ERGIC1: variants seen among roughly 807,000 people sequenced by gnomAD.
ERGIC1 encodes endoplasmic reticulum-golgi intermediate compartment 1.
In ERGIC1, 19 loss-of-function variants were observed where a neutral mutation model predicts 38.3. That is an observed-to-expected ratio of 0.50 (90% CI 0.35 to 0.73). The LOEUF (loss-of-function observed/expected upper bound fraction) is 0.73. Among genes scored for constraint, ERGIC1 ranks in the 30% least tolerant of loss-of-function variants. The probability of loss-of-function intolerance (pLI) is 0.01; values close to 1 mark genes in which losing one functional copy is unlikely to be tolerated. For synonymous variants in ERGIC1, 124 were observed against 157.6 expected (o/e 0.79, Z 1.60); for missense variants, 294 against 389.2 (o/e 0.76, Z 2.06).
chr5:172,845,627 T>C (rs994690328), intron 1 of ERGIC1, among the ~76,000 whole-genome samples: 1 of 152,224 alleles, frequency 6.6e-6, no homozygotes, highest in East Asian at 1.9e-4. Flanking sequence ...TTAATTCTGG[T>C]ATTTTGCTTC....
At chr5:172,941,457 C>T (rs930538554) in intron 9 of ERGIC1, among the ~76,000 whole-genome samples, 29 of 152,158 alleles carry the variant, frequency 1.9e-4, no homozygotes, top group Non-Finnish European at 3.7e-4. Flanking sequence ...GGTGAAAAAA[C>T]TCATCCAAGA....
chr5:172,919,387 A>G (rs1161666652), intron 5 of ERGIC1, among the ~76,000 whole-genome samples: 1 of 152,154 alleles, frequency 6.6e-6, no homozygotes, highest in East Asian at 1.9e-4. Flanking sequence ...GTGACCAAGA[A>G]GGGATCGTGC....
Position 172,893,633 on chromosome 5 carries a change from G to A in ERGIC1, c.83-3369G>A, listed in dbSNP as rs549101525. The stretch of plus-strand genomic sequence containing the variant: ...AAGAGGTTTAATAGCCTCAGTTTGC[G>A]GGTGAGAAAGGGAAGAACAGGAGCC... On this transcript the variant is annotated intron_variant, in intron 2 of 9. Transcript: ENST00000393784. Among the ~76,000 whole-genome samples the A allele has an allele frequency of 2.1e-4, 32 of 151,804 alleles. No homozygotes were observed. In the South Asian group the frequency reaches 2.5e-3, roughly 12 times the overall value.
chr5:172,837,950 G>A lies in ERGIC1; in HGVS notation c.20+3517G>A, dbSNP rs752249626. ...ACAGCATCCGGAAGCCCTGTGCCCA[G>A]GCCCAGTGGTGCCTGAGCACTGCCT... is the stretch of plus-strand genomic sequence containing the variant. On this transcript the variant is annotated intron_variant, in intron 1 of 9. Coordinates refer to ENST00000393784, the MANE Select transcript of ERGIC1 (RefSeq NM_001031711.3). The surrounding 1 kb of genome is among the most constrained non-coding windows in gnomAD (Gnocchi z 4.3). 1.3e-5 allele frequency among the ~76,000 whole-genome samples: 2 copies of A among 152,204 alleles called. No individual in the cohort carries two copies. The highest frequency in any genetic ancestry group is 2.4e-5 in the African/African-American group (1 of 41,462).
At chr5:172,901,061 G>A (rs1460448460) in intron 3 of ERGIC1, among the ~76,000 whole-genome samples, 2 of 152,224 alleles carry the variant, frequency 1.3e-5, no homozygotes, top group Admixed American at 1.3e-4. Flanking sequence ...CACAGTTCTC[G>A]TCTTCTGGGT....
rs1321914236 is a variant in ERGIC1 at position 172,951,435 on chromosome 5, T to G, written c.*619T>G. On this transcript the variant is annotated 3_prime_UTR_variant, in exon 10 of 10. Transcript: ENST00000393784. ...AACCTAGAACCCAGGCCTCAAGTCT[T>G]TACCCCACCCCTTTCTTGTTCTTCC... 6.6e-6 allele frequency: 1 copy of G among 152,330 alleles called. No homozygotes were observed. Among genetic ancestry groups the G allele is most frequent in the Non-Finnish European group, 1.5e-5 (1 of 68,154 alleles). 9.4% of individuals were successfully genotyped at this position (152,330 alleles called of 1,614,324 possible).
At chr5:172,907,052 G>A (rs551598981) in intron 3 of ERGIC1, among the ~76,000 whole-genome samples, 16 of 152,124 alleles carry the variant, frequency 1.1e-4, no homozygotes, top group African/African-American at 3.4e-4. Context: ...ACCCTCCTCC[G>A]CCCAGTCCCA....
At chr5:172,880,995 TC>T (rs1223761685) in intron 1 of ERGIC1, among the ~76,000 whole-genome samples, 3 of 152,226 alleles carry the variant, frequency 2.0e-5, no homozygotes, top group Non-Finnish European at 2.9e-5. Context: ...ACGCCTGTAA[TC>T]CCAGCACTTT....
chr5:172,922,473 G>A (rs1046143776), intron 5 of ERGIC1: 1 of 152,648 alleles, frequency 6.6e-6, no homozygotes, highest in Admixed American at 6.5e-5. Context: ...TAGCAGGTAA[G>A]GGGATGGGGA....
At chr5:172,938,764 GAAAAAAA>G (rs111845778) in intron 9 of ERGIC1, among the ~76,000 whole-genome samples, 1 of 121,570 alleles carries the variant, frequency 8.2e-6, no homozygotes, top group African/African-American at 3.0e-5. Context: ...AAAAAAAAAA[GAAAAAAA>G]AAAAGAAATC....
At chr5:172,914,617 T>A in intron 4 of ERGIC1, 97 bp from the exon 5 acceptor site, 5 of 1,607,122 alleles carry the variant, frequency 3.1e-6, no homozygotes, top group Non-Finnish European at 4.3e-6. Flanking sequence ...GGCCTGCCCC[T>A]GCAATGGATG....
intron 7 of ERGIC1, among the ~76,000 whole-genome samples, chr5:172,927,552 A>C (rs979302029): frequency 6.7e-6 from 1 of 149,310 alleles, no homozygotes; most frequent in African/African-American, 2.5e-5. Context: ...ATGGGAGCAC[A>C]GTTGTCCATC....
chr5:172,867,634 C>A (rs564603938), intron 1 of ERGIC1: 3 of 344,094 alleles, frequency 8.7e-6, no homozygotes, highest in Admixed American at 3.7e-5. Flanking sequence ...AGGGCACTCA[C>A]CTCTCCCTTC....
intron 1 of ERGIC1, among the ~76,000 whole-genome samples, chr5:172,883,621 C>T (rs1762337893): frequency 6.6e-6 from 1 of 152,188 alleles, no homozygotes; most frequent in South Asian, 2.1e-4. Flanking sequence ...CTCAGTGCGG[C>T]ATATCAGGAG....
At position 172,846,037 on chromosome 5, in the gene ERGIC1, A is replaced by G. The variant is rs1561699151; in HGVS notation, c.20+11604A>G. Among the ~76,000 whole-genome samples the G allele has an allele frequency of 1.3e-5, 2 of 151,920 alleles. No homozygotes were observed. The highest frequency in any genetic ancestry group is 2.9e-5 in the Non-Finnish European group (2 of 67,972). ...CTGGGTTTGTCTGATGTTTCTTCCT[A>G]AGTGGACAGGGTTATGGTTTTGGGG... On this transcript the variant is annotated intron_variant, in intron 1 of 9. Transcript: ENST00000393784. The surrounding 1 kb of genome is among the most constrained non-coding windows in gnomAD (Gnocchi z 4.0).
rs949773776 is a variant in ERGIC1 at position 172,834,375 on chromosome 5, C to T, written c.-39C>T. ...CTCGGACCCACGCGGCGCCGCGGCCCGCCTGGCCTGCAGCGCTCCCACCCC... is the reference window on the plus strand; with the variant it reads ...CTCGGACCCACGCGGCGCCGCGGCCTGCCTGGCCTGCAGCGCTCCCACCCC... On this transcript the variant is annotated 5_prime_UTR_variant, in exon 1 of 10. Coordinates refer to ENST00000393784, the MANE Select transcript of ERGIC1 (RefSeq NM_001031711.3). The surrounding 1 kb of genome is among the most constrained non-coding windows in gnomAD (Gnocchi z 4.1). The T allele has an allele frequency of 3.9e-5, 50 of 1,284,544 alleles. No homozygotes were observed. The highest frequency in any genetic ancestry group is 4.8e-5 in the Non-Finnish European group (49 of 1,015,658). The allele number at this position is 1,284,544 out of a possible 1,614,324, so 79.6% of individuals were successfully genotyped here. A position where few individuals can be genotyped will look rare whatever the true frequency, so the allele number is the denominator to read the frequency against.
chr5:172,867,510 G>A (rs17075346), intron 1 of ERGIC1: 69,297 of 441,728 alleles, frequency 0.16, 6,673 homozygotes, highest in Admixed American at 0.3. Context: ...AGCCTCTGCC[G>A]TCATTTGACA....
At chr5:172,934,068 C>T (rs1763836241) in intron 8 of ERGIC1, 1 of 152,282 alleles carries the variant, frequency 6.6e-6, no homozygotes, top group Non-Finnish European at 1.5e-5. Context: ...CTCCTTTTCC[C>T]AATGCTTTGG....
chr5:172,905,981 G>A (rs771129266), intron 3 of ERGIC1: 2 of 447,060 alleles, frequency 4.5e-6, no homozygotes, highest in African/African-American at 4.0e-5. Flanking sequence ...TCAGGTGTGA[G>A]CTGAGTTAGA....
Sources: allele counts gnomAD v4.1 joint callset (sites outside exome capture counted in the v4.1 genomes callset), GRCh38; gene constraint gnomAD v4.1.1; non-coding constraint Gnocchi (gnomAD v3.1); transcripts MANE v1.5; gene names NCBI Gene and HGNC (gene_info 2026-07-23, HGNC 2026-07-21).